The following REEP1 variants were observed in gnomAD, a reference collection of about 807,000 sequenced individuals.
The protein encoded by REEP1 is receptor expression-enhancing protein 1.
Under a neutral mutation model 40.3 loss-of-function variants are expected in REEP1, and 22 were observed. That is an observed-to-expected ratio of 0.55 (90% confidence interval 0.39 to 0.78). The LOEUF (loss-of-function observed/expected upper bound fraction) is 0.78. Among genes scored for constraint, REEP1 ranks in the 30% least tolerant of loss-of-function variants. The pLI is 0.00. For missense variants in REEP1, 280 were observed against 361.1 expected, an observed-to-expected ratio of 0.78 and a Z score of 1.82; for synonymous variants, 116 against 139.2, an observed-to-expected ratio of 0.83 and a Z score of 1.17.
At chr2:86,273,973 T>G (rs981921356) in intron 2 of REEP1, among the ~76,000 whole-genome samples, 6 of 152,242 alleles carry the variant, frequency 3.9e-5, no homozygotes, top group African/African-American at 1.4e-4. Flanking sequence ...TGAGTATGTT[T>G]CAAATGACCG....
intron 7 of REEP1, among the ~76,000 whole-genome samples, chr2:86,225,998 G>C (rs866850531): frequency 3.9e-5 from 6 of 152,094 alleles, no homozygotes; most frequent in Admixed American, 6.5e-5. Flanking sequence ...CACACGCTGG[G>C]AGGGCAGCAA....
rs528914266 is a variant in REEP1 at position 86,281,070 on chromosome 2, C to A, written c.105+1100G>T. Among the ~76,000 whole-genome samples the A allele has an allele frequency of 9.2e-5, 14 of 152,260 alleles. No homozygotes were observed. In the South Asian group the frequency reaches 2.9e-3, roughly 32 times the overall value. On this transcript the variant is annotated intron_variant, in intron 2 of 8. Transcript: ENST00000538924. ...ATGTCAGAGCCAGGACTTGACCAAC[C>A]TCGGTCTTCTGATGCCAAAATCCAC...
chr2:86,253,772 C>T (rs1676406868), intron 4 of REEP1, among the ~76,000 whole-genome samples: 1 of 152,230 alleles, frequency 6.6e-6, no homozygotes, highest in South Asian at 2.1e-4. Flanking sequence ...CCAAAGCCTT[C>T]CCCTTTCTAG....
chr2:86,330,662 T>C (rs1680724186), intron 1 of REEP1, among the ~76,000 whole-genome samples: 1 of 151,874 alleles, frequency 6.6e-6, no homozygotes, highest in South Asian at 2.1e-4. Flanking sequence ...CCCAGGCTGG[T>C]CTCAAATTCC....
intron 5 of REEP1, among the ~76,000 whole-genome samples, chr2:86,250,709 G>C (rs961273926): frequency 4.8e-5 from 6 of 124,708 alleles, no homozygotes; most frequent in Admixed American, 8.9e-5. Flanking sequence ...TCTGAAAGAG[G>C]AATCATTCAT....
rs142846142 is a variant in REEP1, at chr2:86,274,018, G to C, written c.105+8152C>G. 5.4e-4 allele frequency among the ~76,000 whole-genome samples: 82 copies of C among 152,306 alleles called. No homozygotes were observed. In the East Asian group the frequency reaches 0.014, roughly 27 times the overall value. ...GCTGGCACTGTGAATGGGACAGAAA[G>C]AATGGTTTCAAAAGGTTAAGAAAGA... On this transcript the variant is annotated intron_variant, in intron 2 of 8. Coordinates refer to ENST00000538924, the MANE Select transcript of REEP1 (RefSeq NM_001371279.1).
intron 1 of REEP1, among the ~76,000 whole-genome samples, chr2:86,297,011 T>C (rs1167507918): frequency 6.6e-6 from 1 of 152,128 alleles, no homozygotes; most frequent in South Asian, 2.1e-4. Context: ...TCCCTCAGCA[T>C]CTCCCACCAG....
intron 2 of REEP1, among the ~76,000 whole-genome samples, chr2:86,276,065 G>A (rs1677741103): frequency 6.6e-6 from 1 of 152,186 alleles, no homozygotes; most frequent in African/African-American, 2.4e-5. Flanking sequence ...CCTTCCTCAG[G>A]CTTGATAGTG....
intron 6 of REEP1, among the ~76,000 whole-genome samples, chr2:86,229,462 C>A (rs1365989410): frequency 6.6e-6 from 1 of 152,078 alleles, no homozygotes; most frequent in Non-Finnish European, 1.5e-5. Flanking sequence ...TACACCAGCC[C>A]GGTATAAATT....
intron 7 of REEP1, chr2:86,223,611 GAC>G (rs1263091465): frequency 6.6e-6 from 1 of 152,136 alleles, no homozygotes; most frequent in Non-Finnish European, 1.5e-5. Context: ...CTCACACACA[GAC>G]ACACTCACAT....
At chr2:86,312,326 T>C (rs1185738880) in intron 1 of REEP1, among the ~76,000 whole-genome samples, 2 of 152,276 alleles carry the variant, frequency 1.3e-5, no homozygotes, top group African/African-American at 4.8e-5. Context: ...TTTACTCCCC[T>C]TCCATGCACC....
chr2:86,236,859 A>C (rs1051991858), intron 5 of REEP1, among the ~76,000 whole-genome samples: 1 of 151,830 alleles, frequency 6.6e-6, no homozygotes, highest in African/African-American at 2.4e-5. Context: ...CTCAACCTCC[A>C]GAGTAGCTGG....
intron 5 of REEP1, among the ~76,000 whole-genome samples, chr2:86,242,629 G>T (rs1250698282): frequency 6.6e-6 from 1 of 152,138 alleles, no homozygotes; most frequent in Non-Finnish European, 1.5e-5. Flanking sequence ...TGGAAACAGC[G>T]CTCAGAGTTG....
rs530209874 is a variant in REEP1 at position 86,217,261 on chromosome 2, G to A, written c.784-151C>T. 306 of 715,798 alleles carry A rather than the reference G, an allele frequency of 4.3e-4. 2 individuals are homozygous for A. The African/African-American group carries it at 4.7e-3, about 11-fold the overall frequency. 44.3% of individuals were successfully genotyped at this position (715,798 alleles called of 1,614,324 possible). On this transcript the variant is annotated intron_variant, in intron 8 of 8. Transcript: ENST00000538924. ...GGGGTCTCCCTGAATCTCCGCAACAGGAAGCAATCATCAGAGTCCCATCCC... is the reference window on the plus strand; with the variant it reads ...GGGGTCTCCCTGAATCTCCGCAACAAGAAGCAATCATCAGAGTCCCATCCC...
chr2:86,272,726 T>G (rs1260892521), intron 2 of REEP1, among the ~76,000 whole-genome samples: 2 of 152,230 alleles, frequency 1.3e-5, no homozygotes, highest in Non-Finnish European at 2.9e-5. Flanking sequence ...GCCATTTCCT[T>G]ACTTCAGAAC....
intron 1 of REEP1, among the ~76,000 whole-genome samples, chr2:86,326,432 G>T (rs911879641): frequency 6.6e-6 from 1 of 152,172 alleles, no homozygotes; most frequent in Admixed American, 6.5e-5. Flanking sequence ...TAAAGTTTTG[G>T]TCAGGCATGG....
chr2:86,326,827 T>G (rs1680532975), intron 1 of REEP1, among the ~76,000 whole-genome samples: 1 of 152,252 alleles, frequency 6.6e-6, no homozygotes, highest in African/African-American at 2.4e-5. Flanking sequence ...TGCCAACTAC[T>G]GGAAACCTTT....
At chr2:86,258,050 G>A (rs769397298) in intron 3 of REEP1, among the ~76,000 whole-genome samples, 14 of 152,198 alleles carry the variant, frequency 9.2e-5, no homozygotes, top group African/African-American at 3.1e-4. Flanking sequence ...CTTTGTGAAC[G>A]GTGCTGAGGG....
intron 7 of REEP1, among the ~76,000 whole-genome samples, chr2:86,220,877 A>T (rs961914825): frequency 2.6e-5 from 4 of 152,154 alleles, no homozygotes; most frequent in Admixed American, 1.3e-4. Flanking sequence ...AACGCACAGT[A>T]TTTTTTAAAT....
Sources: gnomAD v4.1 joint callset for allele counts (sites outside exome capture counted in the v4.1 genomes callset) on GRCh38, gnomAD v4.1.1 for gene constraint, MANE v1.5 for transcripts, NCBI Gene and HGNC (gene_info 2026-07-23, HGNC 2026-07-21) for gene names.